The following KCNG3 variants were observed in gnomAD, a reference collection of about 807,000 sequenced individuals.
The protein encoded by KCNG3 is voltage-gated potassium channel regulatory subunit KCNG3.
KCNG3 carries 15 observed loss-of-function variants against 29.0 expected under a neutral mutation model. The observed-to-expected ratio is 0.52, with a 90% CI of 0.35 to 0.80. The LOEUF is 0.80. Ranked by LOEUF, KCNG3 falls within the 30% of genes least tolerant of loss-of-function variation. The pLI is 0.01. For synonymous variants in KCNG3, 322 were observed against 248.9 expected (o/e 1.29, Z -2.76); for missense variants, 512 against 605.7 (o/e 0.85, Z 1.62).
chr2:42,460,988 C>T lies in KCNG3; in HGVS notation c.666-16409G>A, dbSNP rs191310717. Among the ~76,000 whole-genome samples, 301 of 151,802 alleles carry T rather than the reference C, an allele frequency of 2.0e-3. 1 individual carries two copies. Among genetic ancestry groups the T allele is most frequent in the African/African-American group, 6.6e-3 (275 of 41,430 alleles). On this transcript the variant is annotated intron_variant, in intron 1 of 1. Transcript: ENST00000306078. Reference sequence around the variant, plus strand: ...CACCCTGGCTAACGTGGTGAAACCCCGTCTCTACTAAAAATACAAAAAATT... The same window carrying T: ...CACCCTGGCTAACGTGGTGAAACCCTGTCTCTACTAAAAATACAAAAAATT...
intron 1 of KCNG3, among the ~76,000 whole-genome samples, chr2:42,455,588 T>C (rs929985813): frequency 1.6e-4 from 24 of 152,170 alleles, no homozygotes; most frequent in African/African-American, 5.3e-4. Context: ...CACAATATAG[T>C]CAGATCTCAT....
intron 1 of KCNG3, among the ~76,000 whole-genome samples, chr2:42,479,244 T>TA (rs1205320724): frequency 1.3e-5 from 2 of 152,152 alleles, no homozygotes; most frequent in African/African-American, 2.4e-5. Flanking sequence ...ATACAAAGAA[T>TA]AAAGCACTTA....
In KCNG3 at chr2:42,444,545, C is replaced by T; in HGVS notation, c.700G>A (p.Ala234Thr). 6.2e-7 allele frequency: 1 copy of T among 1,613,846 alleles called. No individual in the cohort carries two copies. Among genetic ancestry groups the T allele is most frequent in the Non-Finnish European group, 8.5e-7 (1 of 1,179,830 alleles). The part of the protein sequence containing the change: ...IEAICIGWFT[A>T]ECIVRFIVSK... ...ACAATGAACCTCACGATGCACTCGG[C>T]AGTGAACCAACCTATGCAGATAGCT... Residue 234 changes from alanine to threonine, a missense_variant, in exon 2 of 2, where the codon GCC (alanine) becomes ACC (threonine). By Grantham distance (58) the Ala-to-Thr change is moderately conservative. Around this residue, in one of 5 missense-constraint regions of KCNG3, gnomAD observed 173 missense variants for 262.4 expected, o/e 0.66. Transcript: ENST00000306078. This position sits in a 1 kb window ranked among gnomAD's most constrained non-coding sequence, Gnocchi z 5.8.
At chr2:42,401,469 T>A in the KCNG3 span, among the ~76,000 whole-genome samples, 1 of 151,810 alleles carries the variant, frequency 6.6e-6, no homozygotes, top group Non-Finnish European at 1.5e-5. Flanking sequence ...GGAGACAGGT[T>A]CTTGCTCTGT....
chr2:42,473,205 A>G lies in KCNG3; in HGVS notation c.665+19632T>C, dbSNP rs190209504. On this transcript the variant is annotated intron_variant, in intron 1 of 1. Coordinates refer to ENST00000306078, the MANE Select transcript of KCNG3 (RefSeq NM_133329.6). ...GCCACCGCGTCCGGCCCTCAACAAT[A>G]TTTTTAATGTTTTATTTCTTTAATT... 3.0e-3 allele frequency among the ~76,000 whole-genome samples: 451 copies of G among 151,682 alleles called. 3 individuals carry two copies. The highest frequency in any genetic ancestry group is 9.6e-3 in the African/African-American group (397 of 41,380).
chr2:42,489,219 T>C (rs1404527259), intron 1 of KCNG3, among the ~76,000 whole-genome samples: 1 of 151,800 alleles, frequency 6.6e-6, no homozygotes, highest in Non-Finnish European at 1.5e-5. Flanking sequence ...TGAGACCCCA[T>C]GTCTACAAAA....
the KCNG3 span, among the ~76,000 whole-genome samples, chr2:42,412,966 C>G: frequency 6.6e-6 from 1 of 152,012 alleles, no homozygotes; most frequent in Non-Finnish European, 1.5e-5. Context: ...GAGATGAAGT[C>G]TCACTCTGTC....
intron 1 of KCNG3, among the ~76,000 whole-genome samples, chr2:42,481,316 C>T (rs1303769038): frequency 6.6e-6 from 1 of 152,174 alleles, no homozygotes; most frequent in Non-Finnish European, 1.5e-5. Flanking sequence ...CCTGGATCAA[C>T]AGGACCTTTA....
rs753520975 is a variant in KCNG3 at position 42,492,899 on chromosome 2, G to A, written c.603C>T (p.Ala201=). 3 of 1,564,100 alleles carry A rather than the reference G, an allele frequency of 1.9e-6. No homozygotes were observed. Among genetic ancestry groups the A allele is most frequent in the Non-Finnish European group, 2.6e-6 (3 of 1,160,800 alleles). Residue 201 remains alanine, a synonymous_variant, in exon 1 of 2, where the codon GCC becomes GCT. Transcript: ENST00000306078. ...TCCGGTCATCCAGGCTGCGGTTGTC[G>A]GCGGCTGCGTTGCGCCAGTCGGGCA... ...STLPDWRNAA[A]DNRSLDDRSR... is the part of the protein sequence containing the mutation.
intron 1 of KCNG3, among the ~76,000 whole-genome samples, chr2:42,477,765 G>C (rs1673475582): frequency 6.6e-6 from 1 of 151,844 alleles, no homozygotes; most frequent in African/African-American, 2.4e-5. Flanking sequence ...TGTAATCCCA[G>C]CTACTAGGGA....
chr2:42,402,272 A>G, the KCNG3 span, among the ~76,000 whole-genome samples: 1 of 152,248 alleles, frequency 6.6e-6, no homozygotes, highest in African/African-American at 2.4e-5. Context: ...TGCAGACAGC[A>G]TATCGTGGGG....
At chr2:42,400,849 T>G in the KCNG3 span, among the ~76,000 whole-genome samples, 1 of 151,994 alleles carries the variant, frequency 6.6e-6, no homozygotes, top group Admixed American at 6.6e-5. Flanking sequence ...TAAAGGAAGT[T>G]GGAAACAAAA....
chr2:42,462,055 C>T (rs1673033225), intron 1 of KCNG3, among the ~76,000 whole-genome samples: 2 of 152,056 alleles, frequency 1.3e-5, no homozygotes, highest in Admixed American at 1.3e-4. Context: ...TAATTCCACA[C>T]AAAATGAAAG....
intron 1 of KCNG3, among the ~76,000 whole-genome samples, chr2:42,490,745 CAAGAAAG>C (rs1316099225): frequency 3.9e-5 from 6 of 152,084 alleles, no homozygotes; most frequent in Admixed American, 6.6e-5. Context: ...CCTTGAAGGC[CAAGAAAG>C]AAGTTTTGGC....
chr2:42,492,220 C>A (rs558607211), intron 1 of KCNG3, among the ~76,000 whole-genome samples: 1 of 152,290 alleles, frequency 6.6e-6, no homozygotes, highest in East Asian at 1.9e-4. Context: ...ATCTTTGCTA[C>A]CAAACGGTGG....
Position 42,443,769 on chromosome 2 carries a change from C to A in KCNG3, c.*165G>T. The A allele has an allele frequency of 1.6e-6, 1 of 622,968 alleles. No individual in the cohort carries two copies. Among genetic ancestry groups the A allele is most frequent in the South Asian group, 2.4e-5 (1 of 41,536 alleles). The allele number at this position is 622,968 out of a possible 1,614,324, so 38.6% of individuals were successfully genotyped here. A position where few individuals can be genotyped will look rare whatever the true frequency, so the allele number is the denominator to read the frequency against. ...CTTTGCAGTCTCAATTCTATTTACT[C>A]CATAACAAGTAAACTGTTTTATCCC... is the stretch of plus-strand genomic sequence containing the variant. On this transcript the variant is annotated 3_prime_UTR_variant, in exon 2 of 2. Transcript: ENST00000306078.
rs1672559292 is a variant in KCNG3, at chr2:42,444,816, C to G, written c.666-237G>C. ...GTGGCTCATGCATGTAATCCCAGGT[C>G]TTTGGAAGGCTGAGGTGGGTGAATC... On this transcript the variant is annotated intron_variant, in intron 1 of 1. Coordinates refer to ENST00000306078, the MANE Select transcript of KCNG3 (RefSeq NM_133329.6). This position sits in a 1 kb window ranked among gnomAD's most constrained non-coding sequence, Gnocchi z 5.8. Among the ~76,000 whole-genome samples the G allele has an allele frequency of 6.6e-6, 1 of 151,928 alleles. No individual in the cohort carries two copies. Among genetic ancestry groups the G allele is most frequent in the Admixed American group, 6.6e-5 (1 of 15,234 alleles).
the KCNG3 span, among the ~76,000 whole-genome samples, chr2:42,429,056 T>C: frequency 6.7e-6 from 1 of 149,710 alleles, no homozygotes; most frequent in African/African-American, 2.5e-5. Context: ...GAGGGGGAGG[T>C]TGCGGTGAGC....
chr2:42,466,521 T>A (rs761375367), intron 1 of KCNG3, among the ~76,000 whole-genome samples: 21 of 152,192 alleles, frequency 1.4e-4, no homozygotes, highest in Non-Finnish European at 2.9e-5. Context: ...CTAGGAGCAA[T>A]AGGCTATACT....
Sources: gnomAD v4.1 joint callset for allele counts (sites outside exome capture counted in the v4.1 genomes callset) on GRCh38, gnomAD v4.1.1 for gene constraint, gnomAD v4.1.1 regional missense constraint, Gnocchi (gnomAD v3.1) non-coding constraint, MANE v1.5 for transcripts, NCBI Gene and HGNC (gene_info 2026-07-23, HGNC 2026-07-21) for gene names.